The following TRIM33 variants were observed in gnomAD, a reference collection of about 807,000 sequenced individuals.
The protein encoded by TRIM33 is tripartite motif containing 33.
In TRIM33, 20 loss-of-function variants were observed where a neutral mutation model predicts 125.4. That is an observed-to-expected ratio of 0.16 (90% CI 0.11 to 0.23). The LOEUF (loss-of-function observed/expected upper bound fraction) is 0.23. Among genes scored for constraint, TRIM33 ranks in the 10% least tolerant of loss-of-function variants. The pLI is 1.00. For synonymous variants in TRIM33, 564 were observed against 513.9 expected (o/e 1.10, Z -1.32); for missense variants, 920 against 1,411.4 (o/e 0.65, Z 5.58).
chr1:114,427,827 T>G lies in TRIM33; in HGVS notation c.1223A>C (p.Gln408Pro). The G allele has an allele frequency of 6.2e-7, 1 of 1,612,096 alleles. No individual in the cohort carries two copies. The highest frequency in any genetic ancestry group is 1.1e-5 in the South Asian group (1 of 90,990). ...QQNDITGLSRQVKHVMNFTNW... is the reference protein window; with the variant it reads ...QQNDITGLSRPVKHVMNFTNW... ...TGTGAAGTTCATAACATGCTTCACCTGCCGGGAAAGGCCTGTGATGTCATT... is the reference window on the plus strand; with the variant it reads ...TGTGAAGTTCATAACATGCTTCACCGGCCGGGAAAGGCCTGTGATGTCATT... The change falls in exon 7 of 20, where the codon CAG becomes CCG. Residue 408 changes from glutamine to proline, a missense_variant. Physicochemically the swap from Gln to Pro is moderately conservative, Grantham distance 76. Coordinates refer to ENST00000358465, the MANE Select transcript of TRIM33 (RefSeq NM_015906.4).
chr1:114,508,249 A>G lies in TRIM33; in HGVS notation c.526+2302T>C, dbSNP rs574086420. On this transcript the variant is annotated intron_variant, in intron 1 of 19. Transcript: ENST00000358465. The stretch of plus-strand genomic sequence containing the variant: ...TTCCACTTACTCCCCCTCCTTCAAA[A>G]AGAAAGGATAAAGAAATGAAGAGGG... Among the ~76,000 whole-genome samples, 3 of 152,306 alleles carry G rather than the reference A, an allele frequency of 2.0e-5. No individual in the cohort carries two copies. In the South Asian group the frequency reaches 6.2e-4, roughly 32 times the overall value.
chr1:114,433,803 C>A, intron 4 of TRIM33, 70 bp from the exon 5 acceptor site: 1 of 932,824 alleles, frequency 1.1e-6, no homozygotes, highest in Non-Finnish European at 1.7e-6. Context: ...TAAAGAACAG[C>A]TAAATGAGTC....
chr1:114,497,373 T>C (rs1304535620), intron 1 of TRIM33, among the ~76,000 whole-genome samples: 2 of 152,190 alleles, frequency 1.3e-5, no homozygotes, highest in Non-Finnish European at 2.9e-5. Context: ...CTCGGCTCAC[T>C]GTAACCTCTG....
chr1:114,503,836 T>C (rs1337176484), intron 1 of TRIM33, among the ~76,000 whole-genome samples: 1 of 152,204 alleles, frequency 6.6e-6, no homozygotes, highest in African/African-American at 2.4e-5. Flanking sequence ...TACCCATGCC[T>C]AAAAACCATA....
chr1:114,426,008 T>G (rs1320910576), intron 8 of TRIM33, among the ~76,000 whole-genome samples: 2 of 152,192 alleles, frequency 1.3e-5, no homozygotes, highest in Admixed American at 1.3e-4. Flanking sequence ...AGATTATCTA[T>G]TAGAAGAGGC....
chr1:114,498,692 CAAG>C (rs907433415), intron 1 of TRIM33, among the ~76,000 whole-genome samples: 10 of 151,560 alleles, frequency 6.6e-5, no homozygotes, highest in African/African-American at 2.4e-4. Flanking sequence ...GAGACAAGGA[CAAG>C]AAGATCTTTC....
intron 1 of TRIM33, among the ~76,000 whole-genome samples, chr1:114,470,732 A>G (rs1650587943): frequency 6.6e-6 from 1 of 152,218 alleles, no homozygotes; most frequent in Non-Finnish European, 1.5e-5. Flanking sequence ...AGGCATATCA[A>G]AAGCCAAGAC....
At chr1:114,399,202 A>G (rs1651728429) in intron 18 of TRIM33, among the ~76,000 whole-genome samples, 1 of 152,080 alleles carries the variant, frequency 6.6e-6, no homozygotes, top group African/African-American at 2.4e-5. Context: ...AGTACTTTCC[A>G]TACTTATGCC....
At chr1:114,409,177 G>A (rs1652425640) in intron 12 of TRIM33, among the ~76,000 whole-genome samples, 1 of 152,144 alleles carries the variant, frequency 6.6e-6, no homozygotes. Context: ...CTAGAAAGAA[G>A]TAGGTGGTGT....
At chr1:114,451,157 A>G (rs769896955) in intron 4 of TRIM33, among the ~76,000 whole-genome samples, 1 of 152,076 alleles carries the variant, frequency 6.6e-6, no homozygotes, top group Non-Finnish European at 1.5e-5. Flanking sequence ...CCCCATGTGG[A>G]CCTAATATCC....
rs7544820 is a variant in TRIM33, at chr1:114,423,431, G to A, written c.1860+1160C>T. Among the ~76,000 whole-genome samples, 1,251 of 151,954 alleles carry A rather than the reference G, an allele frequency of 8.2e-3. 18 individuals carry two copies. The highest frequency in any genetic ancestry group is 0.029 in the African/African-American group (1,190 of 41,434). On this transcript the variant is annotated intron_variant, in intron 10 of 19. Coordinates refer to ENST00000358465, the MANE Select transcript of TRIM33 (RefSeq NM_015906.4). ...CGGATTCATTTAAAATAATGCAAAG[G>A]TTTTTTTAACTTTATAGCATCAATA...
chr1:114,426,111 C>A (rs1200217741), intron 8 of TRIM33, among the ~76,000 whole-genome samples: 3 of 152,146 alleles, frequency 2.0e-5, no homozygotes, highest in Non-Finnish European at 2.9e-5. Context: ...CTTTGAATTG[C>A]CAAAATATGC....
intron 4 of TRIM33, among the ~76,000 whole-genome samples, chr1:114,450,685 G>A (rs1433514597): frequency 6.6e-6 from 1 of 152,138 alleles, no homozygotes; most frequent in Non-Finnish European, 1.5e-5. Flanking sequence ...GAGCCACCAT[G>A]TCTGGCCTAA....
At position 114,463,458 on chromosome 1, in the gene TRIM33, T is replaced by C. The variant is rs1650109866; in HGVS notation, c.744A>G (p.Val248=). The C allele has an allele frequency of 4.3e-6, 7 of 1,613,240 alleles. No homozygotes were observed. The highest frequency in any genetic ancestry group is 1.3e-5 in the African/African-American group (1 of 74,870). The change falls in exon 3 of 20, where the codon GTA becomes GTG. Residue 248 remains valine, a synonymous_variant. Transcript: ENST00000358465. ...TGATCAAGTGATCTTTAGTAAATTT[T>C]ACTCTTTGATGTGCTTCGATACATG... ...CKTCIEAHQR[V]KFTKDHLIRK... is the part of the protein sequence containing the mutation.
At chr1:114,403,347 T>C (rs572243396) in intron 15 of TRIM33, among the ~76,000 whole-genome samples, 13 of 152,254 alleles carry the variant, frequency 8.5e-5, no homozygotes, top group Admixed American at 2.6e-4. Context: ...CACAAACACA[T>C]ACCTGCAGGC....
At chr1:114,450,186 G>A (rs1419353374) in intron 4 of TRIM33, among the ~76,000 whole-genome samples, 1 of 152,180 alleles carries the variant, frequency 6.6e-6, no homozygotes, top group Non-Finnish European at 1.5e-5. Flanking sequence ...GCACCCGGCA[G>A]GGGCAGAGGT....
At chr1:114,441,376 A>G (rs552747287) in intron 4 of TRIM33, among the ~76,000 whole-genome samples, 3 of 152,354 alleles carry the variant, frequency 2.0e-5, no homozygotes, top group African/African-American at 7.2e-5. Context: ...AAGGGTAGGG[A>G]TACCACAGTA....
At chr1:114,451,374 T>TAAAAAACAAAAAA (rs1649304080) in intron 4 of TRIM33, among the ~76,000 whole-genome samples, 1 of 135,690 alleles carries the variant, frequency 7.4e-6, no homozygotes. Context: ...TACCCTGCTT[T>TAAAAAACAAAAAA]AAAAAAAAAA....
chr1:114,474,311 CTGTAATCCCAGCACTT>C (rs1034147785), intron 1 of TRIM33, among the ~76,000 whole-genome samples: 1 of 151,830 alleles, frequency 6.6e-6, no homozygotes, highest in African/African-American at 2.4e-5. Flanking sequence ...TGGCTCACAC[CTGTAATCCCAGCACTT>C]TGGGCTGAGG....
Sources: allele counts gnomAD v4.1 joint callset (sites outside exome capture counted in the v4.1 genomes callset), GRCh38; gene constraint gnomAD v4.1.1; transcripts MANE v1.5; gene names NCBI Gene and HGNC (gene_info 2026-07-23, HGNC 2026-07-21).